Variants in ARHGAP6 observed in about 807,000 individuals in gnomAD.
ARHGAP6 encodes the protein rho GTPase-activating protein 6.
In ARHGAP6, 16 loss-of-function variants were observed where a neutral mutation model predicts 55.7. That is an observed-to-expected ratio of 0.29 (90% CI 0.19 to 0.44). ARHGAP6 has a LOEUF of 0.44. Ranked by LOEUF, ARHGAP6 falls within the 20% of genes least tolerant of loss-of-function variation. ARHGAP6 has a pLI of 1.00. For missense variants in ARHGAP6, 698 were observed against 808.9 expected (o/e 0.86, Z 1.66); for synonymous variants, 382 against 360.9 (o/e 1.06, Z -0.66).
chrX:11,362,497 G>A (rs1012166587), intron 1 of ARHGAP6, among the ~76,000 whole-genome samples: 1 of 109,596 alleles, frequency 9.1e-6, no homozygotes, highest in Non-Finnish European at 1.9e-5. Context: ...ACACTCTGGG[G>A]ACTGTTGTGG....
intron 1 of ARHGAP6, among the ~76,000 whole-genome samples, chrX:11,415,602 G>A (rs953381094): frequency 8.9e-6 from 1 of 112,072 alleles, no homozygotes; most frequent in African/African-American, 3.2e-5. Context: ...GCCCCATCAT[G>A]GAAGGAGTGC....
chrX:11,154,125 C>T (rs1045547235), intron 10 of ARHGAP6, among the ~76,000 whole-genome samples: 1 of 107,549 alleles, frequency 9.3e-6, no homozygotes, highest in Non-Finnish European at 2.0e-5. Flanking sequence ...TCATCCATGT[C>T]CCTACAAAGG....
intron 1 of ARHGAP6, among the ~76,000 whole-genome samples, chrX:11,319,341 A>G (rs1001103820): frequency 8.9e-6 from 1 of 112,134 alleles, no homozygotes; most frequent in African/African-American, 3.2e-5. Flanking sequence ...TGGAGTATGC[A>G]TCAGAATCCT....
chrX:11,303,905 G>A lies in ARHGAP6; in HGVS notation c.589-49198C>T, dbSNP rs147408241. Among the ~76,000 whole-genome samples, 469 of 111,768 alleles carry A rather than the reference G, an allele frequency of 4.2e-3. 2 individuals carry two copies. Among genetic ancestry groups the A allele is most frequent in the African/African-American group, 0.014 (431 of 30,729 alleles). On this transcript the variant is annotated intron_variant, in intron 1 of 12. Coordinates refer to ENST00000337414, the MANE Select transcript of ARHGAP6 (RefSeq NM_013427.3). ...GTACTAATATCATGCTCTGCTCTGA[G>A]TCTTTTCATGTTAATGAGCCCCAAG... is the stretch of plus-strand genomic sequence containing the variant.
At chrX:11,517,050 A>G (rs1312243130) in intron 1 of ARHGAP6, among the ~76,000 whole-genome samples, 2 of 112,113 alleles carry the variant, frequency 1.8e-5, no homozygotes, top group African/African-American at 6.5e-5. Flanking sequence ...CACAAAAATA[A>G]TGAAATCTCA....
At chrX:11,250,014 T>C (rs2047403011) in intron 2 of ARHGAP6, among the ~76,000 whole-genome samples, 1 of 112,116 alleles carries the variant, frequency 8.9e-6, no homozygotes, top group Non-Finnish European at 1.9e-5. Context: ...TCAAATACAA[T>C]AATAACCCAT....
At chrX:11,602,045 G>C (rs1190958497) in intron 1 of ARHGAP6, among the ~76,000 whole-genome samples, 1 of 111,551 alleles carries the variant, frequency 9.0e-6, no homozygotes, top group Non-Finnish European at 1.9e-5. Context: ...GTGAGTACAA[G>C]AGTTGATTAA....
At chrX:11,215,545 C>T (rs2046869991) in intron 2 of ARHGAP6, among the ~76,000 whole-genome samples, 1 of 112,993 alleles carries the variant, frequency 8.9e-6, no homozygotes, top group South Asian at 3.6e-4. Context: ...CCCACCATCC[C>T]GATAGCTCTC....
chrX:11,534,816 A>G (rs758228200), intron 1 of ARHGAP6, among the ~76,000 whole-genome samples: 2 of 111,705 alleles, frequency 1.8e-5, no homozygotes, highest in Non-Finnish European at 3.8e-5. Flanking sequence ...AAAATTATCA[A>G]TGATATAGTT....
intron 1 of ARHGAP6, among the ~76,000 whole-genome samples, chrX:11,256,544 T>C (rs2047496915): frequency 8.9e-6 from 1 of 112,104 alleles, no homozygotes; most frequent in Non-Finnish European, 1.9e-5. Flanking sequence ...AATTCTTTGA[T>C]ATTTTCCCTC....
chrX:11,422,556 T>C (rs902875501), intron 1 of ARHGAP6, among the ~76,000 whole-genome samples: 1 of 111,724 alleles, frequency 9.0e-6, no homozygotes, highest in Non-Finnish European at 1.9e-5. Context: ...GCACTGGCCA[T>C]AGGGACAGCC....
At chrX:11,374,550 T>C (rs2049179204) in intron 1 of ARHGAP6, among the ~76,000 whole-genome samples, 1 of 112,280 alleles carries the variant, frequency 8.9e-6, no homozygotes, top group African/African-American at 3.2e-5. Flanking sequence ...TCCTCAGAAG[T>C]AGGCAATCTA....
At chrX:11,326,644 A>G (rs2048502999) in intron 1 of ARHGAP6, among the ~76,000 whole-genome samples, 1 of 111,795 alleles carries the variant, frequency 8.9e-6, no homozygotes, top group South Asian at 3.7e-4. Flanking sequence ...AATGAATCTG[A>G]GTAACTCTTT....
intron 1 of ARHGAP6, among the ~76,000 whole-genome samples, chrX:11,319,144 A>G (rs2048396702): frequency 8.9e-6 from 1 of 111,964 alleles, no homozygotes; most frequent in African/African-American, 3.3e-5. Context: ...ATCTATATCT[A>G]TATCTATATC....
At chrX:11,597,528 A>G (rs2051916380) in intron 1 of ARHGAP6, among the ~76,000 whole-genome samples, 1 of 111,999 alleles carries the variant, frequency 8.9e-6, no homozygotes, top group Admixed American at 9.5e-5. Flanking sequence ...CTTGTCAAAT[A>G]TGTTGCATTA....
At chrX:11,359,217 T>C (rs373370299) in intron 1 of ARHGAP6, among the ~76,000 whole-genome samples, 6 of 112,140 alleles carry the variant, frequency 5.4e-5, no homozygotes, top group African/African-American at 1.9e-4. Flanking sequence ...CATTTTCTGC[T>C]CACTGTAAAA....
chrX:11,154,559 AG>A (rs1392671112), intron 10 of ARHGAP6, among the ~76,000 whole-genome samples: 1 of 112,495 alleles, frequency 8.9e-6, no homozygotes, highest in Non-Finnish European at 1.9e-5. Flanking sequence ...AAATTTGGCC[AG>A]GCAAAAATCA....
Position 11,664,821 on chromosome X carries a change from G to A in ARHGAP6, c.8C>T (p.Ala3Val). 1 of 1,189,567 alleles carries A rather than the reference G, an allele frequency of 8.4e-7. No homozygotes were observed. The stretch of plus-strand genomic sequence containing the variant: ...GAAGACGCTGTGGAGCAGGCTCTGC[G>A]CGGACATCTCGGCGGGGCTGCACCT... MS[A>V]QSLLHSVFSC... The change falls in exon 1 of 13, where the codon GCG (alanine) becomes GTG (valine). Residue 3 changes from alanine to valine, a missense_variant. Ala to Val is a moderately conservative substitution (Grantham distance 64). Coordinates refer to ENST00000337414, the MANE Select transcript of ARHGAP6 (RefSeq NM_013427.3).
At chrX:11,269,998 A>G (rs1037939756) in intron 1 of ARHGAP6, among the ~76,000 whole-genome samples, 8 of 112,197 alleles carry the variant, frequency 7.1e-5, no homozygotes, top group Admixed American at 9.5e-5. Context: ...CAAAACCACA[A>G]TAAAGAACAA....
Sources: allele counts gnomAD v4.1 joint callset (sites outside exome capture counted in the v4.1 genomes callset), GRCh38; gene constraint gnomAD v4.1.1; transcripts MANE v1.5; gene names NCBI Gene and HGNC (gene_info 2026-07-23, HGNC 2026-07-21).